The following MCTP2 variants were observed in gnomAD, a reference collection of about 807,000 sequenced individuals.
MCTP2 encodes multiple C2 and transmembrane domain-containing protein 2.
MCTP2 carries 132 observed loss-of-function variants against 111.6 expected under a neutral mutation model. The observed-to-expected ratio is 1.18, with a 90% CI of 1.03 to 1.37. The LOEUF (loss-of-function observed/expected upper bound fraction) is 1.37. Ranked by LOEUF, MCTP2 falls within the 40% of genes most tolerant of loss-of-function variation. The pLI is 0.00. For missense variants in MCTP2, 1,183 were observed against 1,067.9 expected (o/e 1.11, Z -1.50); for synonymous variants, 395 against 387.7 (o/e 1.02, Z -0.22).
In MCTP2 at chr15:94,480,971, T is replaced by C. The variant is rs1462736486; in HGVS notation, c.*1937T>C. On this transcript the variant is annotated 3_prime_UTR_variant, in exon 23 of 23. Coordinates refer to ENST00000357742, the MANE Select transcript of MCTP2 (RefSeq NM_001385001.1). ...GAATCAACCTTGAATAAACTGTATA[T>C]AGAAAACAATTGTTAGTTGATTAAG... 1 of 152,142 alleles carries C rather than the reference T, an allele frequency of 6.6e-6. No homozygotes were observed. Among genetic ancestry groups the C allele is most frequent in the Non-Finnish European group, 1.5e-5 (1 of 67,988 alleles). 9.4% of individuals were successfully genotyped at this position (152,142 alleles called of 1,614,324 possible). A position where few individuals can be genotyped will look rare whatever the true frequency, so the allele number is the denominator to read the frequency against.
chr15:94,428,383 T>C (rs2082994141), intron 17 of MCTP2, among the ~76,000 whole-genome samples: 1 of 152,244 alleles, frequency 6.6e-6, no homozygotes, highest in Non-Finnish European at 1.5e-5. Context: ...TTTTCCTTTG[T>C]AGTTGAACTA....
At chr15:94,348,413 C>G (rs1308835514) in intron 8 of MCTP2, among the ~76,000 whole-genome samples, 1 of 85,148 alleles carries the variant, frequency 1.2e-5, no homozygotes, top group Non-Finnish European at 2.2e-5. Context: ...CATCCCCTCT[C>G]CCTCTCCCCC....
chr15:94,282,176 A>T (rs1343743621), intron 1 of MCTP2, among the ~76,000 whole-genome samples: 4 of 152,210 alleles, frequency 2.6e-5, no homozygotes, highest in Non-Finnish European at 4.4e-5. Context: ...TCTTTCAGGA[A>T]TGCCAGTGAG....
chr15:94,259,548 T>A (rs2073054949), intron 1 of MCTP2, among the ~76,000 whole-genome samples: 1 of 152,208 alleles, frequency 6.6e-6, no homozygotes, highest in Non-Finnish European at 1.5e-5. Context: ...TATGTAGTAG[T>A]TATATATCCC....
chr15:94,402,310 A>G, intron 17 of MCTP2: 2 of 985,278 alleles, frequency 2.0e-6, no homozygotes, highest in Non-Finnish European at 2.4e-6. Context: ...TTTCTGTGCC[A>G]GTGACCGCCC....
intron 1 of MCTP2, among the ~76,000 whole-genome samples, chr15:94,253,713 GTC>G (rs1163444068): frequency 6.6e-6 from 1 of 151,256 alleles, no homozygotes; most frequent in Non-Finnish European, 1.5e-5. Flanking sequence ...TACTGTAATA[GTC>G]TCTCTCTTAA....
chr15:94,353,508 C>T (rs1041415604), intron 8 of MCTP2, among the ~76,000 whole-genome samples: 2 of 152,118 alleles, frequency 1.3e-5, no homozygotes, highest in African/African-American at 2.4e-5. Context: ...CATACCAAGC[C>T]GCAAAATTAT....
At chr15:94,349,383 G>A (rs2078173751) in intron 8 of MCTP2, among the ~76,000 whole-genome samples, 1 of 152,194 alleles carries the variant, frequency 6.6e-6, no homozygotes, top group East Asian at 1.9e-4. Context: ...TACACTTGCG[G>A]TAGAACCTGT....
Position 94,482,191 on chromosome 15 carries a change from C to A in MCTP2, c.*3157C>A, listed in dbSNP as rs1308420105. ...AAGCCAGACATTAAACAGATACTTTCAAGCAACAGCATGCCATGCTCAGAT... is the reference window on the plus strand; with the variant it reads ...AAGCCAGACATTAAACAGATACTTTAAAGCAACAGCATGCCATGCTCAGAT... On this transcript the variant is annotated 3_prime_UTR_variant, in exon 23 of 23. Transcript: ENST00000357742. The A allele has an allele frequency of 1.3e-5, 2 of 152,184 alleles. No individual in the cohort carries two copies. Among genetic ancestry groups the A allele is most frequent in the Admixed American group, 6.5e-5 (1 of 15,284 alleles). The allele number at this position is 152,184 out of a possible 1,614,324, so 9.4% of individuals were successfully genotyped here.
At chr15:94,462,695 C>T (rs375358809) in intron 20 of MCTP2, among the ~76,000 whole-genome samples, 48 of 152,276 alleles carry the variant, frequency 3.2e-4, no homozygotes, top group Middle Eastern at 6.8e-3. Flanking sequence ...GGATCGTAAC[C>T]AATTTTCTGA....
At position 94,298,309 on chromosome 15, in the gene MCTP2, G is replaced by A. The variant is rs754910208; in HGVS notation, c.44G>A (p.Arg15Gln). 15 of 1,613,944 alleles carry A rather than the reference G, an allele frequency of 9.3e-6. No individual in the cohort carries two copies. The highest frequency in any genetic ancestry group is 2.7e-5 in the African/African-American group (2 of 74,996). ...KPSVWGSLKQ[R>Q]TRPLLINLSK... ...TCTGTTTGGGGCTCATTAAAACAGC[G>A]GACCAGGCCATTGTTGATCAACTTG... The change falls in exon 2 of 23, where the codon CGG (arginine) becomes CAG (glutamine). Residue 15 changes from arginine to glutamine, a missense_variant. Arg to Gln is a conservative substitution (Grantham distance 43, BLOSUM62 1). Transcript: ENST00000357742.
intron 1 of MCTP2, among the ~76,000 whole-genome samples, chr15:94,276,128 G>C (rs183393720): frequency 7.9e-5 from 12 of 152,126 alleles, no homozygotes; most frequent in Admixed American, 2.0e-4. Context: ...ACAGGTGTGA[G>C]CCACCGTGCC....
At chr15:94,307,838 C>T (rs919902672) in intron 2 of MCTP2, among the ~76,000 whole-genome samples, 29 of 152,146 alleles carry the variant, frequency 1.9e-4, no homozygotes, top group African/African-American at 6.8e-4. Context: ...TTGTCCTGGT[C>T]ACTTTCGGTG....
At chr15:94,353,729 T>G (rs1213436383) in intron 8 of MCTP2, among the ~76,000 whole-genome samples, 2 of 152,098 alleles carry the variant, frequency 1.3e-5, no homozygotes, top group African/African-American at 4.8e-5. Flanking sequence ...CAAGTCAAAC[T>G]TTAAGAAGAA....
chr15:94,282,840 C>A (rs2074557549), intron 1 of MCTP2, among the ~76,000 whole-genome samples: 1 of 152,160 alleles, frequency 6.6e-6, no homozygotes, highest in Non-Finnish European at 1.5e-5. Flanking sequence ...GGCCTGCATG[C>A]CCTTATCATT....
At chr15:94,382,381 T>C (rs754000727) in intron 12 of MCTP2, among the ~76,000 whole-genome samples, 2 of 152,254 alleles carry the variant, frequency 1.3e-5, no homozygotes, top group African/African-American at 2.4e-5. Context: ...TGTTTGCAAT[T>C]GAAAACCCTC....
At position 94,385,490 on chromosome 15, in the gene MCTP2, G is replaced by A; in HGVS notation, c.1753G>A (p.Asp585Asn). 6.2e-7 allele frequency: 1 copy of A among 1,613,354 alleles called. No homozygotes were observed. The highest frequency in any genetic ancestry group is 8.5e-7 in the Non-Finnish European group (1 of 1,179,576). The change falls in exon 14 of 23, where the codon GAT becomes AAT. Residue 585 changes from aspartate to asparagine, a missense_variant. Physicochemically the swap from Asp to Asn is conservative, Grantham distance 23. Coordinates refer to ENST00000357742, the MANE Select transcript of MCTP2 (RefSeq NM_001385001.1). ...VFDEDGDKPP[D>N]FLGKVAIPLL... ...TGATGAAGATGGAGATAAACCCCCA[G>A]ATTTTCTTGGAAAAGTTGCCATTCC...
chr15:94,456,114 A>G (rs765604112), intron 19 of MCTP2, among the ~76,000 whole-genome samples: 8 of 152,226 alleles, frequency 5.3e-5, no homozygotes, highest in Non-Finnish European at 1.0e-4. Flanking sequence ...TTAATTGTTT[A>G]CTTCTACTCT....
intron 15 of MCTP2, chr15:94,399,677 C>A: frequency 2.5e-6 from 1 of 395,556 alleles, no homozygotes; most frequent in Non-Finnish European, 4.6e-6. Flanking sequence ...GAAAATACCC[C>A]CAAGGAATGA....
Sources: allele counts gnomAD v4.1 joint callset (sites outside exome capture counted in the v4.1 genomes callset), GRCh38; gene constraint gnomAD v4.1.1; transcripts MANE v1.5; gene names NCBI Gene and HGNC (gene_info 2026-07-23, HGNC 2026-07-21).